Variants in NOL4L observed in about 807,000 individuals in gnomAD.
NOL4L encodes nucleolar protein 4 like, also known as nucleolar protein 4-like.
Under a neutral mutation model 64.5 loss-of-function variants are expected in NOL4L, and 7 were observed. That is an observed-to-expected ratio of 0.11 (90% CI 0.06 to 0.20). The LOEUF is 0.20. Among genes scored for constraint, NOL4L ranks in the 10% least tolerant of loss-of-function variants. The pLI, the probability that NOL4L is intolerant of heterozygous loss-of-function variation, is 1.00. For synonymous variants in NOL4L, 413 were observed against 401.0 expected, an observed-to-expected ratio of 1.03 and a Z score of -0.36; for missense variants, 680 against 967.1, an observed-to-expected ratio of 0.70 and a Z score of 3.94.
chr20:32,550,340 A>G (rs1400181402), intron 1 of NOL4L, among the ~76,000 whole-genome samples: 1 of 152,204 alleles, frequency 6.6e-6, no homozygotes, highest in Non-Finnish European at 1.5e-5. Context: ...TCTGCCTCCC[A>G]GGTTCAAGCG....
At chr20:32,458,196 G>A (rs1422667638) in intron 5 of NOL4L, among the ~76,000 whole-genome samples, 7 of 152,130 alleles carry the variant, frequency 4.6e-5, no homozygotes, top group Non-Finnish European at 7.4e-5. Flanking sequence ...GTAAGAGTCC[G>A]GCCCACAGCC....
chr20:32,554,600 C>T (rs529321838), intron 1 of NOL4L, among the ~76,000 whole-genome samples: 81 of 152,262 alleles, frequency 5.3e-4, no homozygotes, highest in Non-Finnish European at 9.4e-4. Context: ...ACCCCTGGTC[C>T]TGTATCACTC....
chr20:32,469,956 C>G (rs1258696675), intron 5 of NOL4L, among the ~76,000 whole-genome samples: 1 of 152,244 alleles, frequency 6.6e-6, no homozygotes, highest in Non-Finnish European at 1.5e-5. Flanking sequence ...CAGGCCTGCA[C>G]AGTGCGGGAG....
intron 4 of NOL4L, among the ~76,000 whole-genome samples, chr20:32,503,709 A>G (rs2017015991): frequency 1.3e-5 from 2 of 152,274 alleles, no homozygotes; most frequent in African/African-American, 4.8e-5. Flanking sequence ...GCTGAGAGCT[A>G]GAAAGATTCT....
chr20:32,557,682 G>C (rs1001861411), intron 1 of NOL4L, among the ~76,000 whole-genome samples: 3 of 152,268 alleles, frequency 2.0e-5, no homozygotes, highest in African/African-American at 7.2e-5. Flanking sequence ...GGACAGGCAA[G>C]AAACCAGTCA....
At chr20:32,466,585 G>A (rs763735446) in intron 5 of NOL4L, among the ~76,000 whole-genome samples, 24 of 144,450 alleles carry the variant, frequency 1.7e-4, no homozygotes, top group Non-Finnish European at 2.5e-4. Flanking sequence ...CCAGGAGGCC[G>A]CCGCCTGCTC....
intron 1 of NOL4L, among the ~76,000 whole-genome samples, chr20:32,569,424 G>A (rs373872717): frequency 4.5e-4 from 69 of 152,338 alleles, no homozygotes; most frequent in African/African-American, 1.6e-3. Flanking sequence ...TGGCCACAGT[G>A]TGAAGCGGGG....
intron 1 of NOL4L, among the ~76,000 whole-genome samples, chr20:32,534,742 G>A (rs999982269): frequency 4.0e-5 from 6 of 151,862 alleles, no homozygotes; most frequent in East Asian, 1.9e-4. Flanking sequence ...CTAGCTGGGC[G>A]TGGCGGCATT....
At chr20:32,571,226 C>T (rs939219925) in intron 1 of NOL4L, among the ~76,000 whole-genome samples, 6 of 152,216 alleles carry the variant, frequency 3.9e-5, no homozygotes, top group Middle Eastern at 6.8e-3. Flanking sequence ...CTCGCTCTGT[C>T]GCCCAGGCTG....
intron 1 of NOL4L, chr20:32,532,280 C>T (rs1338663093): frequency 2.3e-6 from 2 of 857,830 alleles, no homozygotes; most frequent in Middle Eastern, 5.8e-4. Flanking sequence ...CCTGGAGCGA[C>T]CAGAACTCAA....
At chr20:32,495,690 G>A (rs915890263) in intron 4 of NOL4L, among the ~76,000 whole-genome samples, 12 of 152,278 alleles carry the variant, frequency 7.9e-5, no homozygotes, top group East Asian at 1.9e-4. Flanking sequence ...TGGCTGGGGC[G>A]CAGTGGCTCA....
chr20:32,538,474 C>T (rs895726703), intron 1 of NOL4L, among the ~76,000 whole-genome samples: 11 of 74,872 alleles, frequency 1.5e-4, no homozygotes, highest in Non-Finnish European at 1.7e-4. Flanking sequence ...TCCCTCCCTC[C>T]CTCCCTCCCT....
At chr20:32,531,197 T>C (rs905488112) in intron 1 of NOL4L, among the ~76,000 whole-genome samples, 1 of 152,094 alleles carries the variant, frequency 6.6e-6, no homozygotes, top group Non-Finnish European at 1.5e-5. Context: ...TTCAAAATTG[T>C]TTCAGACCAG....
Position 32,584,848 on chromosome 20 carries a change from C to T in NOL4L, c.43G>A (p.Glu15Lys), listed in dbSNP as rs532757888. The T allele has an allele frequency of 2.7e-6, 4 of 1,463,628 alleles. No individual in the cohort carries two copies. The highest frequency in any genetic ancestry group is 3.6e-6 in the Non-Finnish European group (4 of 1,103,284). The allele number at this position is 1,463,628 out of a possible 1,614,324, so 90.7% of individuals were successfully genotyped here. A position where few individuals can be genotyped will look rare whatever the true frequency, so the allele number is the denominator to read the frequency against. The change falls in exon 1 of 11, where the codon GAG becomes AAG. Residue 15 changes from glutamate to lysine, a missense_variant. Transcript: ENST00000621426. ...AGCTCCGAGTCCCCGGGGCTGCGCT[C>T]GCGCTCCCAGCCCCCGCGCAGCAGC... The part of the protein sequence containing the change: ...TLLLRGGWER[E>K]RSPGDSELGR...
intron 3 of NOL4L, among the ~76,000 whole-genome samples, chr20:32,517,523 G>A (rs1273271495): frequency 6.6e-6 from 1 of 152,216 alleles, no homozygotes. Flanking sequence ...GAATGCCTCT[G>A]GCCACTTAGC....
intron 4 of NOL4L, chr20:32,483,357 C>T (rs1191998051): frequency 2.0e-6 from 2 of 984,436 alleles, no homozygotes; most frequent in Non-Finnish European, 2.4e-6. Context: ...GGCCGGACTC[C>T]GTACCTGGGC....
chr20:32,527,157 C>A lies in NOL4L; in HGVS notation c.477+601G>T, dbSNP rs568681267. Among the ~76,000 whole-genome samples, 3 of 152,306 alleles carry A rather than the reference C, an allele frequency of 2.0e-5. No homozygotes were observed. The South Asian group carries it at 6.2e-4, about 32-fold the overall frequency. On this transcript the variant is annotated intron_variant, in intron 2 of 10. Coordinates refer to ENST00000621426, the MANE Select transcript of NOL4L (RefSeq NM_001256798.2). ...AAATGCCCCTGAGCCTGGGTTCTTG[C>A]TCTCTCAAAGCGAGCCTTGGAGACA...
chr20:32,513,432 G>A (rs1218019495), intron 3 of NOL4L, among the ~76,000 whole-genome samples: 2 of 152,226 alleles, frequency 1.3e-5, no homozygotes, highest in East Asian at 3.8e-4. Context: ...GTAACTCGAG[G>A]TTACTGGGGA....
chr20:32,462,772 G>T (rs1000821496), intron 5 of NOL4L, among the ~76,000 whole-genome samples: 1 of 151,888 alleles, frequency 6.6e-6, no homozygotes, highest in Non-Finnish European at 1.5e-5. Context: ...GGGCGTGGTG[G>T]TGCACGCCTG....
Sources: gnomAD v4.1 joint callset for allele counts (sites outside exome capture counted in the v4.1 genomes callset) on GRCh38, gnomAD v4.1.1 for gene constraint, MANE v1.5 for transcripts, NCBI Gene and HGNC (gene_info 2026-07-23, HGNC 2026-07-21) for gene names.